Variants in UGGT1 observed in about 807,000 individuals in gnomAD.
The protein encoded by UGGT1 is UDP-glucose glycoprotein glucosyltransferase 1, also known as UDP-glucose:glycoprotein glucosyltransferase 1.
A neutral mutation model predicts 203.9 loss-of-function variants in UGGT1; 107 were observed. The ratio of observed to expected loss-of-function variants is 0.52; its 90% CI spans 0.45 to 0.62. The LOEUF (loss-of-function observed/expected upper bound fraction) is 0.62. Among genes scored for constraint, UGGT1 ranks in the 20% least tolerant of loss-of-function variants. UGGT1 has a pLI of 0.00. For synonymous variants in UGGT1, 628 were observed against 653.5 expected (o/e 0.96, Z 0.59); for missense variants, 1,673 against 1,867.2 (o/e 0.90, Z 1.92).
At chr2:128,163,391 T>C (rs1690624717) in intron 25 of UGGT1, among the ~76,000 whole-genome samples, 1 of 132,422 alleles carries the variant, frequency 7.6e-6, no homozygotes, top group Non-Finnish European at 1.6e-5. Context: ...TTTTTTTTTT[T>C]CAGGTTTAGT....
At chr2:128,135,782 T>C (rs1445505488) in intron 15 of UGGT1, among the ~76,000 whole-genome samples, 1 of 152,188 alleles carries the variant, frequency 6.6e-6, no homozygotes, top group Non-Finnish European at 1.5e-5. Context: ...CATTGAGATA[T>C]TTGGGAAGCC....
intron 8 of UGGT1, among the ~76,000 whole-genome samples, chr2:128,116,724 C>T (rs1025075097): frequency 1.3e-5 from 2 of 152,080 alleles, no homozygotes; most frequent in Non-Finnish European, 2.9e-5. Context: ...GGTGTTTCGC[C>T]ACGTTGGCTA....
chr2:128,190,687 G>C lies in UGGT1; in HGVS notation c.*945G>C, dbSNP rs1019919612. 1.3e-5 allele frequency: 2 copies of C among 152,260 alleles called. No homozygotes were observed. The highest frequency in any genetic ancestry group is 6.6e-5 in the Admixed American group (1 of 15,264). The allele number at this position is 152,260 out of a possible 1,614,324, so 9.4% of individuals were successfully genotyped here. A position where few individuals can be genotyped will look rare whatever the true frequency, so the allele number is the denominator to read the frequency against. ...CCGTCAGGGTCAGGGTCAGGGTCAG[G>C]CTCCCTCAAGACGAGCACCGCATTG... is the stretch of plus-strand genomic sequence containing the variant. On this transcript the variant is annotated 3_prime_UTR_variant, in exon 41 of 41. Transcript: ENST00000259253.
In UGGT1 at chr2:128,179,804, G is replaced by C. The variant is rs754847752; in HGVS notation, c.3834G>C (p.Val1278=). The part of the protein sequence containing the change: ...ERFLRIMMLS[V]LKNTKTPVKF... Reference sequence around the variant, plus strand: ...TTGGCAGCATAATGATGCTATCCGTGCTGAAGAATACCAAGACTCCTGTGA... The same window carrying C: ...TTGGCAGCATAATGATGCTATCCGTCCTGAAGAATACCAAGACTCCTGTGA... Residue 1278 remains valine (V), a synonymous_variant, in exon 35 of 41, where the codon GTG becomes GTC. Transcript: ENST00000259253. 1 of 1,613,774 alleles carries C rather than the reference G, an allele frequency of 6.2e-7. No homozygotes were observed. Among genetic ancestry groups the C allele is most frequent in the South Asian group, 1.1e-5 (1 of 90,936 alleles).
At position 128,091,443 on chromosome 2, in the gene UGGT1, C is replaced by T. The variant is rs373175125; in HGVS notation, c.58+28C>T. 1.0e-5 allele frequency: 16 copies of T among 1,567,402 alleles called. No individual in the cohort carries two copies. The African/African-American group carries it at 2.0e-4, about 20-fold the overall frequency. The stretch of plus-strand genomic sequence containing the variant: ...ACCCAGGGGTGGCGTGAGGAGGCCT[C>T]GTGGACAAAGAGAGGGTTTGGGGCA... On this transcript the variant is annotated intron_variant, in intron 1 of 40. Transcript: ENST00000259253.
At chr2:128,114,032 A>G (rs1255859409) in intron 6 of UGGT1, among the ~76,000 whole-genome samples, 1 of 152,158 alleles carries the variant, frequency 6.6e-6, no homozygotes, top group Non-Finnish European at 1.5e-5. Flanking sequence ...TAAAATATTT[A>G]TATGTAAAGG....
At chr2:128,141,571 C>G (rs1689426795) in intron 16 of UGGT1, among the ~76,000 whole-genome samples, 1 of 152,064 alleles carries the variant, frequency 6.6e-6, no homozygotes, top group Non-Finnish European at 1.5e-5. Flanking sequence ...AGCCACTGCA[C>G]TCCAGCCTGG....
Position 128,160,528 on chromosome 2 carries a change from C to G in UGGT1, c.2631C>G (p.Ala877=), listed in dbSNP as rs780531256. Residue 877 remains alanine, a synonymous_variant, in exon 24 of 41, where the codon GCC becomes GCG. Coordinates refer to ENST00000259253, the MANE Select transcript of UGGT1 (RefSeq NM_020120.4). ...AAATGGATTTCATTTTGTCTCATGCCGTGTACTGCAGGGATGTTCTGAAGC... is the reference window on the plus strand; with the variant it reads ...AAATGGATTTCATTTTGTCTCATGCGGTGTACTGCAGGGATGTTCTGAAGC... The part of the protein sequence containing the change: ...SSKMDFILSH[A]VYCRDVLKLK... 3.7e-6 allele frequency: 6 copies of G among 1,613,146 alleles called. No individual in the cohort carries two copies. Among genetic ancestry groups the G allele is most frequent in the Non-Finnish European group, 4.2e-6 (5 of 1,179,782 alleles).
chr2:128,100,436 CG>C (rs1168537963), intron 2 of UGGT1, among the ~76,000 whole-genome samples: 1 of 151,734 alleles, frequency 6.6e-6, no homozygotes, highest in Non-Finnish European at 1.5e-5. Context: ...GATGGAGTTT[CG>C]CTCTTGTTGC....
In UGGT1 at chr2:128,109,657, A is replaced by T; in HGVS notation, c.432A>T (p.Pro144=). 2 of 1,614,186 alleles carry T rather than the reference A, an allele frequency of 1.2e-6. No homozygotes were observed. Among genetic ancestry groups the T allele is most frequent in the Non-Finnish European group, 1.7e-6 (2 of 1,180,006 alleles). Residue 144 remains proline, a synonymous_variant, in exon 5 of 41, where the codon CCA becomes CCT. Coordinates refer to ENST00000259253, the MANE Select transcript of UGGT1 (RefSeq NM_020120.4). ...FQQIAADEPP[P]EGCNSFFSVH... is the part of the protein sequence containing the mutation. Reference sequence around the variant, plus strand: ...AGATAGCAGCTGATGAACCTCCACCAGAAGGATGTAATTCGTTTTTTTCAG... The same window carrying T: ...AGATAGCAGCTGATGAACCTCCACCTGAAGGATGTAATTCGTTTTTTTCAG...
At chr2:128,118,439 A>G (rs1054361125) in intron 8 of UGGT1, among the ~76,000 whole-genome samples, 3 of 151,902 alleles carry the variant, frequency 2.0e-5, no homozygotes, top group East Asian at 1.9e-4. Context: ...CTAATTTTCA[A>G]ATGTTTTGTA....
chr2:128,140,918 G>T (rs1689389717), intron 16 of UGGT1, among the ~76,000 whole-genome samples: 1 of 152,198 alleles, frequency 6.6e-6, no homozygotes, highest in East Asian at 2.0e-4. Context: ...GAACTACTGA[G>T]CTTAAACAAT....
At position 128,091,281 on chromosome 2, in the gene UGGT1, G is replaced by T. The variant is rs534518217; in HGVS notation, c.-77G>T. On this transcript the variant is annotated 5_prime_UTR_variant, in exon 1 of 41. Coordinates refer to ENST00000259253, the MANE Select transcript of UGGT1 (RefSeq NM_020120.4). ...TGTCGGCCTCTCACTGGCGCAGCCT[G>T]CACTGCCGCTGCCGCCTCGCCCCGC... 2.1e-6 allele frequency: 3 copies of T among 1,425,298 alleles called. No homozygotes were observed. Among genetic ancestry groups the T allele is most frequent in the African/African-American group, 3.0e-5 (2 of 67,646 alleles). 88.3% of individuals were successfully genotyped at this position (1,425,298 alleles called of 1,614,324 possible). A position where few individuals can be genotyped will look rare whatever the true frequency, so the allele number is the denominator to read the frequency against.
intron 16 of UGGT1, chr2:128,139,899 G>T (rs190228844): frequency 6.5e-6 from 1 of 153,800 alleles, no homozygotes; most frequent in East Asian, 1.9e-4. Flanking sequence ...ACTGGGATAG[G>T]TGGGGACAGT....
intron 13 of UGGT1, among the ~76,000 whole-genome samples, chr2:128,131,370 A>G (rs1162576180): frequency 6.6e-6 from 1 of 152,156 alleles, no homozygotes; most frequent in Non-Finnish European, 1.5e-5. Context: ...CCTGGCCAAC[A>G]TGGTGAAACC....
chr2:128,116,093 A>G (rs1688087893), intron 7 of UGGT1, among the ~76,000 whole-genome samples, 172 bp from the exon 8 acceptor site: 1 of 152,208 alleles, frequency 6.6e-6, no homozygotes, highest in Non-Finnish European at 1.5e-5. Flanking sequence ...CTGTTTGTTT[A>G]AAGAACCATT....
At chr2:128,176,229 T>C (rs1476105695) in intron 31 of UGGT1, among the ~76,000 whole-genome samples, 1 of 152,016 alleles carries the variant, frequency 6.6e-6, no homozygotes, top group Non-Finnish European at 1.5e-5. Flanking sequence ...GCCTAGCCAC[T>C]ATGGTGAAAC....
chr2:128,176,914 G>C lies in UGGT1; in HGVS notation c.3624+16G>C. On this transcript the variant is annotated intron_variant, in intron 32 of 40. Transcript: ENST00000259253. Reference sequence around the variant, plus strand: ...TAAAGTGAAGGTGAGTTTGGTAAAAGTAGTGGCATTCTGTTATTGGACAGC... The same window carrying C: ...TAAAGTGAAGGTGAGTTTGGTAAAACTAGTGGCATTCTGTTATTGGACAGC... 2 of 1,608,904 alleles carry C rather than the reference G, an allele frequency of 1.2e-6. No individual in the cohort carries two copies. Among genetic ancestry groups the C allele is most frequent in the Non-Finnish European group, 1.7e-6 (2 of 1,175,436 alleles).
Position 128,193,877 on chromosome 2 carries a change from G to A in UGGT1, c.*4135G>A, listed in dbSNP as rs948036478. On this transcript the variant is annotated 3_prime_UTR_variant, in exon 41 of 41. Transcript: ENST00000259253. The stretch of plus-strand genomic sequence containing the variant: ...ATGGCCTTACCTATGTGGCCTGAAC[G>A]ATTAAAAGAAAGAACTCAGAGTTAC... The A allele has an allele frequency of 5.9e-5, 9 of 152,046 alleles. No individual in the cohort carries two copies. The highest frequency in any genetic ancestry group is 1.0e-4 in the Non-Finnish European group (7 of 68,012). 9.4% of individuals were successfully genotyped at this position (152,046 alleles called of 1,614,324 possible).
Sources: gnomAD v4.1 joint callset for allele counts (sites outside exome capture counted in the v4.1 genomes callset) on GRCh38, gnomAD v4.1.1 for gene constraint, MANE v1.5 for transcripts, NCBI Gene and HGNC (gene_info 2026-07-23, HGNC 2026-07-21) for gene names.